Variants in HERC1 observed in about 807,000 individuals in gnomAD.
HERC1 encodes the protein probable E3 ubiquitin-protein ligase HERC1.
Under a neutral mutation model 554.3 loss-of-function variants are expected in HERC1, and 160 were observed. That is an observed-to-expected ratio of 0.29 (90% CI 0.25 to 0.33). HERC1 has a LOEUF of 0.33. Among genes scored for constraint, HERC1 ranks in the 10% least tolerant of loss-of-function variants. The probability of loss-of-function intolerance (pLI) is 1.00; values close to 1 mark genes in which losing one functional copy is unlikely to be tolerated. For synonymous variants in HERC1, 2,175 were observed against 2,131.7 expected (o/e 1.02, Z -0.56); for missense variants, 4,919 against 5,918.5 (o/e 0.83, Z 5.54).
rs1274296464 is a variant in HERC1 at position 63,713,543 on chromosome 15, G to A, written c.4273C>T (p.Arg1425Ter). The stretch of plus-strand genomic sequence containing the variant: ...TCAGGAAGGTCTGTGCTGACCCTTC[G>A]CTCTTGCTGAGACTGAGGAGGTGGA... ...DDPPPQSQQE[R>*]RVSTDLPEGQ... The change falls in exon 23 of 78, where the codon CGA (arginine) becomes TGA (stop). Residue 1425 changes from arginine to a stop codon, truncating the protein, a stop_gained. Coordinates refer to ENST00000443617, the MANE Select transcript of HERC1 (RefSeq NM_003922.4). LOFTEE classifies it high-confidence loss of function. 1.2e-6 allele frequency: 2 copies of A among 1,613,820 alleles called. No individual in the cohort carries two copies. The highest frequency in any genetic ancestry group is 1.7e-5 in the Admixed American group (1 of 59,996).
chr15:63,798,867 G>T (rs1254956014), intron 1 of HERC1, among the ~76,000 whole-genome samples: 1 of 152,138 alleles, frequency 6.6e-6, no homozygotes. Context: ...AGCATTTAGT[G>T]GTTGCATACT....
intron 1 of HERC1, among the ~76,000 whole-genome samples, chr15:63,824,684 G>C (rs1567165885): frequency 6.6e-6 from 1 of 151,992 alleles, no homozygotes. Context: ...CTCAGATATG[G>C]AACCAACCTA....
In HERC1 at chr15:63,635,984, A is replaced by G. The variant is rs762783747; in HGVS notation, c.12391T>C (p.Leu4131=). The G allele has an allele frequency of 9.9e-5, 160 of 1,613,814 alleles. No individual in the cohort carries two copies. In the Admixed American group the frequency reaches 2.6e-3, roughly 27 times the overall value. Residue 4131 remains leucine, a synonymous_variant, in exon 65 of 78, where the codon TTA becomes CTA. Transcript: ENST00000443617. The stretch of plus-strand genomic sequence containing the variant: ...ACCTGCACCACTTCTTCTCCTTGTA[A>G]GGCCTCGATCTGCCTGGGCCGCCGC... ...RQRRPRQIEA[L]QGEEVVQMSC...
At chr15:63,730,583 T>C (rs1253440183) in intron 14 of HERC1, among the ~76,000 whole-genome samples, 1 of 152,222 alleles carries the variant, frequency 6.6e-6, no homozygotes, top group Non-Finnish European at 1.5e-5. Flanking sequence ...GGGGCAACTG[T>C]AGAAATGTAA....
At chr15:63,654,385 C>T in intron 50 of HERC1, 61 bp from the exon 51 acceptor site, 2 of 1,271,068 alleles carry the variant, frequency 1.6e-6, no homozygotes, top group East Asian at 2.5e-5. Flanking sequence ...CCTGCTTAAA[C>T]AAAACATGAA....
chr15:63,634,504 T>C (rs2068696118), intron 66 of HERC1, among the ~76,000 whole-genome samples: 1 of 152,198 alleles, frequency 6.6e-6, no homozygotes, highest in African/African-American at 2.4e-5. Flanking sequence ...AATATTCACG[T>C]CCTGAAATAA....
intron 3 of HERC1, among the ~76,000 whole-genome samples, chr15:63,762,208 G>T (rs757267481): frequency 1.2e-4 from 19 of 152,214 alleles, no homozygotes; most frequent in Admixed American, 7.9e-4. Flanking sequence ...AATAACTTAG[G>T]AACCACCCTG....
At chr15:63,710,631 A>T (rs934439717) in intron 24 of HERC1, among the ~76,000 whole-genome samples, 1 of 152,202 alleles carries the variant, frequency 6.6e-6, no homozygotes, top group Admixed American at 6.5e-5. Context: ...GTGCCCCAGA[A>T]AAAACAAAGC....
intron 1 of HERC1, among the ~76,000 whole-genome samples, chr15:63,800,119 T>C (rs2076932253): frequency 1.3e-5 from 2 of 152,118 alleles, no homozygotes; most frequent in Admixed American, 1.3e-4. Flanking sequence ...TGGGTGACAG[T>C]GAGACCTAGT....
Position 63,718,424 on chromosome 15 carries a change from C to CTTT in HERC1, c.3978+147_3978+149dup. ...GGTTAAGTAAATCTCAAATCTTTTC[C>CTTT]TTTTTTTTTTTCTGCTAGGAAAAGA... On this transcript the variant is annotated intron_variant, in intron 21 of 77. Transcript: ENST00000443617. This position sits in a 1 kb window ranked among gnomAD's most constrained non-coding sequence, Gnocchi z 4.2. 10 of 555,566 alleles carry CTTT rather than the reference C, an allele frequency of 1.8e-5. No individual in the cohort carries two copies. Among genetic ancestry groups the CTTT allele is most frequent in the South Asian group, 4.0e-5 (1 of 24,812 alleles). The allele number at this position is 555,566 out of a possible 1,614,324, so 34.4% of individuals were successfully genotyped here.
chr15:63,623,771 T>C lies in HERC1; in HGVS notation c.13565A>G (p.Asp4522Gly). 1.2e-6 allele frequency: 2 copies of C among 1,613,986 alleles called. No homozygotes were observed. The highest frequency in any genetic ancestry group is 1.7e-6 in the Non-Finnish European group (2 of 1,179,884). Residue 4522 changes from aspartate (D) to glycine (G), a missense_variant, in exon 73 of 78, where the codon GAT (aspartate) becomes GGT (glycine). This residue lies in a region of HERC1 where 410 missense variants were observed against 467.0 expected (regional missense o/e 0.88). Coordinates refer to ENST00000443617, the MANE Select transcript of HERC1 (RefSeq NM_003922.4). ...WKVKLVGEGA[D>G]DAGGVFDDTI... ...GTCATCAAACACTCCTCCAGCATCA[T>C]CAGCCCCTTCTCCAACCAGCTTAAC... is the stretch of plus-strand genomic sequence containing the variant.
At chr15:63,669,774 A>C in intron 39 of HERC1, 76 bp from the exon 40 acceptor site, 1 of 1,349,610 alleles carries the variant, frequency 7.4e-7, no homozygotes, top group Middle Eastern at 2.5e-4. Flanking sequence ...TTCTTATAGA[A>C]GAATATGCAA....
chr15:63,715,368 C>G (rs1389752968), intron 22 of HERC1, among the ~76,000 whole-genome samples: 4 of 152,204 alleles, frequency 2.6e-5, no homozygotes, highest in Non-Finnish European at 5.9e-5. Flanking sequence ...CAGTCTGCTT[C>G]CAGGAATTTC....
chr15:63,673,504 T>C (rs1454263535), intron 38 of HERC1, among the ~76,000 whole-genome samples: 2 of 152,226 alleles, frequency 1.3e-5, no homozygotes, highest in Non-Finnish European at 2.9e-5. Context: ...TGTTAACTGC[T>C]GTCTCTCCAG....
rs534075210 is a variant in HERC1 at position 63,814,673 on chromosome 15, T to C, written c.-27+19154A>G. ...TAGTAGAGACAGGGTTTTGCCATGT[T>C]GGCCAGGCTGGTCTTGAACTCCTGG... On this transcript the variant is annotated intron_variant, in intron 1 of 77. Transcript: ENST00000443617. Among the ~76,000 whole-genome samples, 703 of 152,326 alleles carry C rather than the reference T, an allele frequency of 4.6e-3. 7 individuals carry two copies. The highest frequency in any genetic ancestry group is 0.016 in the African/African-American group (681 of 41,566).
chr15:63,829,287 T>C (rs559028866), intron 1 of HERC1, among the ~76,000 whole-genome samples: 100 of 150,614 alleles, frequency 6.6e-4, no homozygotes, highest in Admixed American at 4.5e-3. Flanking sequence ...CGGGGCATGG[T>C]GGGTGCACAT....
intron 1 of HERC1, among the ~76,000 whole-genome samples, chr15:63,806,618 G>C (rs1006076967): frequency 1.3e-5 from 2 of 152,184 alleles, no homozygotes; most frequent in Non-Finnish European, 2.9e-5. Context: ...CTCACTGCAA[G>C]GGCTCAGAAC....
intron 54 of HERC1, among the ~76,000 whole-genome samples, chr15:63,649,414 C>G (rs955277609): frequency 6.6e-6 from 1 of 152,106 alleles, no homozygotes; most frequent in Non-Finnish European, 1.5e-5. Context: ...TGATTATGAC[C>G]TTTTTTTCTC....
At chr15:63,644,940 G>T in intron 57 of HERC1, 52 bp downstream of exon 57, 1 of 1,330,670 alleles carries the variant, frequency 7.5e-7, no homozygotes, top group Non-Finnish European at 1.1e-6. Context: ...TGACTCTGAT[G>T]TCATATACTT....
Sources: gnomAD v4.1 joint callset for allele counts (sites outside exome capture counted in the v4.1 genomes callset) on GRCh38, gnomAD v4.1.1 for gene constraint, gnomAD v4.1.1 regional missense constraint, Gnocchi (gnomAD v3.1) non-coding constraint, MANE v1.5 for transcripts, NCBI Gene and HGNC (gene_info 2026-07-23, HGNC 2026-07-21) for gene names.